Variants in MSRA observed in about 807,000 individuals in gnomAD.
MSRA encodes methionine sulfoxide reductase A.
A neutral mutation model predicts 31.3 loss-of-function variants in MSRA; 54 were observed. The observed-to-expected ratio is 1.73, with a 90% CI of 1.39 to 2.17. MSRA has a LOEUF of 2.17. MSRA is among the 30% of genes most tolerant of loss of function. MSRA has a pLI of 0.00. For missense variants in MSRA, 507 were observed against 300.9 expected (o/e 1.69, Z -5.07); for synonymous variants, 169 against 116.5 (o/e 1.45, Z -2.90).
intron 1 of MSRA, among the ~76,000 whole-genome samples, chr8:10,175,273 A>G (rs1187750804): frequency 2.0e-5 from 3 of 152,200 alleles, no homozygotes; most frequent in African/African-American, 4.8e-5. Context: ...TCTAGAATCG[A>G]TAATCTCTGC....
chr8:10,151,100 G>A (rs1803624543), intron 1 of MSRA, among the ~76,000 whole-genome samples: 1 of 151,718 alleles, frequency 6.6e-6, no homozygotes, highest in African/African-American at 2.4e-5. Flanking sequence ...GAGGTTAGGG[G>A]AGGGAGGATC....
intron 1 of MSRA, among the ~76,000 whole-genome samples, chr8:10,183,116 T>C (rs1390023404): frequency 1.3e-5 from 2 of 152,174 alleles, no homozygotes; most frequent in African/African-American, 4.8e-5. Context: ...TATAGCTTAG[T>C]TTATCTTAAA....
At chr8:10,331,687 C>A (rs986757235) in intron 5 of MSRA, among the ~76,000 whole-genome samples, 1 of 152,158 alleles carries the variant, frequency 6.6e-6, no homozygotes, top group Non-Finnish European at 1.5e-5. Flanking sequence ...GGATTGCTTC[C>A]AGGACCCTCT....
intron 4 of MSRA, 66 bp downstream of exon 4, chr8:10,301,704 A>C: frequency 3.1e-6 from 4 of 1,298,986 alleles, no homozygotes; most frequent in Non-Finnish European, 4.4e-6. Context: ...TTAGTGTTTG[A>C]GCTGCATGGA....
At chr8:10,202,390 C>T (rs1205699754) in intron 1 of MSRA, among the ~76,000 whole-genome samples, 2 of 152,136 alleles carry the variant, frequency 1.3e-5, no homozygotes, top group Admixed American at 6.5e-5. Context: ...TTCTTTTATC[C>T]CTAGAGCAAT....
At chr8:10,219,785 G>A (rs897491573) in intron 2 of MSRA, among the ~76,000 whole-genome samples, 5 of 109,906 alleles carry the variant, frequency 4.5e-5, no homozygotes, top group African/African-American at 1.1e-4. Context: ...CAGCCTGGAC[G>A]ACAGATCGAG....
chr8:10,130,938 G>T (rs1801849695), intron 1 of MSRA, among the ~76,000 whole-genome samples: 1 of 152,140 alleles, frequency 6.6e-6, no homozygotes, highest in Admixed American at 6.6e-5. Context: ...TTCTTATAGG[G>T]CCTTTAAGAA....
chr8:10,188,528 G>C (rs144515438), intron 1 of MSRA, among the ~76,000 whole-genome samples: 11 of 152,332 alleles, frequency 7.2e-5, no homozygotes, highest in East Asian at 1.9e-4. Flanking sequence ...ACTGTATTCA[G>C]GTTGTGAGCA....
intron 1 of MSRA, among the ~76,000 whole-genome samples, chr8:10,161,497 TGAA>T (rs1440181345): frequency 1.3e-5 from 2 of 152,154 alleles, no homozygotes; most frequent in African/African-American, 2.4e-5. Flanking sequence ...CTGGTTGGTG[TGAA>T]GAAGAAGGAA....
At chr8:10,127,071 C>T (rs565824894) in intron 1 of MSRA, among the ~76,000 whole-genome samples, 1 of 152,178 alleles carries the variant, frequency 6.6e-6, no homozygotes, top group Non-Finnish European at 1.5e-5. Context: ...GAACATACTA[C>T]CAGACATTTC....
chr8:10,314,102 C>A (rs1166657032), intron 4 of MSRA, among the ~76,000 whole-genome samples: 4 of 151,778 alleles, frequency 2.6e-5, no homozygotes, highest in African/African-American at 9.7e-5. Flanking sequence ...ATTTCCTAAA[C>A]AAGACACAAA....
At chr8:10,200,816 A>G (rs1350882252) in intron 1 of MSRA, among the ~76,000 whole-genome samples, 2 of 152,148 alleles carry the variant, frequency 1.3e-5, no homozygotes, top group African/African-American at 4.8e-5. Context: ...GGCATGTATG[A>G]CTAGAGGCGT....
At chr8:10,148,406 GGAGGCTGAGGCAGGCAGATCACTT>G (rs1803349997) in intron 1 of MSRA, among the ~76,000 whole-genome samples, 1 of 151,598 alleles carries the variant, frequency 6.6e-6, no homozygotes, top group Non-Finnish European at 1.5e-5. Flanking sequence ...CCAGCACTTT[GGAGGCTGAGGCAGGCAGATCACTT>G]GAGGTCAAGA....
intron 1 of MSRA, among the ~76,000 whole-genome samples, chr8:10,093,095 G>C (rs925184459): frequency 1.3e-5 from 2 of 152,062 alleles, no homozygotes; most frequent in African/African-American, 4.8e-5. Context: ...TGTGTCTTTT[G>C]TAGACAGCAT....
At chr8:10,299,812 G>C (rs1800745644) in intron 3 of MSRA, among the ~76,000 whole-genome samples, 1 of 152,172 alleles carries the variant, frequency 6.6e-6, no homozygotes, top group Non-Finnish European at 1.5e-5. Flanking sequence ...TTACTGAAAA[G>C]CAGTTTGGAG....
At chr8:10,087,847 T>C (rs1273744091) in intron 1 of MSRA, among the ~76,000 whole-genome samples, 1 of 152,220 alleles carries the variant, frequency 6.6e-6, no homozygotes, top group Non-Finnish European at 1.5e-5. Context: ...TTTTCATGGG[T>C]TCTCCAAATG....
At chr8:10,148,080 C>T (rs527625158) in intron 1 of MSRA, among the ~76,000 whole-genome samples, 6 of 152,118 alleles carry the variant, frequency 3.9e-5, no homozygotes, top group Middle Eastern at 3.4e-3. Context: ...CCTGGCAAAG[C>T]GAGCACTCGG....
intron 4 of MSRA, among the ~76,000 whole-genome samples, chr8:10,314,255 G>C (rs1244319680): frequency 6.6e-6 from 1 of 151,672 alleles, no homozygotes; most frequent in Non-Finnish European, 1.5e-5. Flanking sequence ...CAAGAACAGA[G>C]AGATTATATT....
chr8:10,214,329 G>C (rs1405735295), intron 2 of MSRA, among the ~76,000 whole-genome samples: 1 of 152,080 alleles, frequency 6.6e-6, no homozygotes, highest in African/African-American at 2.4e-5. Context: ...AGGAGAGTGA[G>C]ATCAATGTAA....
Sources: gnomAD v4.1 joint callset for allele counts (sites outside exome capture counted in the v4.1 genomes callset) on GRCh38, gnomAD v4.1.1 for gene constraint, MANE v1.5 for transcripts, NCBI Gene and HGNC (gene_info 2026-07-23, HGNC 2026-07-21) for gene names.